The following ST8SIA1 variants were observed in gnomAD, a reference collection of about 807,000 sequenced individuals.
ST8SIA1 encodes the protein ST8 alpha-N-acetyl-neuraminide alpha-2,8-sialyltransferase 1, also known as alpha-N-acetylneuraminide alpha-2,8-sialyltransferase.
A neutral mutation model predicts 35.9 loss-of-function variants in ST8SIA1; 16 were observed. The ratio of observed to expected loss-of-function variants is 0.45; its 90% CI spans 0.30 to 0.68. The LOEUF is 0.68. Ranked by LOEUF, ST8SIA1 falls within the 30% of genes least tolerant of loss-of-function variation. The pLI, the probability that ST8SIA1 is intolerant of heterozygous loss-of-function variation, is 0.09. For missense variants in ST8SIA1, 383 were observed against 453.6 expected, an observed-to-expected ratio of 0.84 and a Z score of 1.41; for synonymous variants, 170 against 169.6, an observed-to-expected ratio of 1.00 and a Z score of -0.02.
intron 4 of ST8SIA1, among the ~76,000 whole-genome samples, chr12:22,228,285 C>T (rs951893430): frequency 9.2e-5 from 14 of 152,212 alleles, no homozygotes; most frequent in Non-Finnish European, 1.5e-4. Context: ...TCCCAGATTT[C>T]TGTGCTATTC....
At chr12:22,324,808 T>C (rs1301782604) in intron 1 of ST8SIA1, 1 of 152,144 alleles carries the variant, frequency 6.6e-6, no homozygotes, top group Non-Finnish European at 1.5e-5. Context: ...CATAAATTTG[T>C]CAGCAGCATA....
intron 1 of ST8SIA1, among the ~76,000 whole-genome samples, chr12:22,302,918 G>T (rs948089963): frequency 6.6e-6 from 1 of 151,816 alleles, no homozygotes; most frequent in Non-Finnish European, 1.5e-5. Flanking sequence ...CTTTCTTGAT[G>T]GAACCAATGT....
intron 4 of ST8SIA1, among the ~76,000 whole-genome samples, chr12:22,245,916 A>G (rs1865595682): frequency 6.6e-6 from 1 of 152,210 alleles, no homozygotes; most frequent in South Asian, 2.1e-4. Flanking sequence ...AAGAAGGTGG[A>G]GGTTTCTGGG....
intron 2 of ST8SIA1, among the ~76,000 whole-genome samples, chr12:22,284,827 T>C (rs112380393): frequency 4.6e-3 from 698 of 152,348 alleles, no homozygotes; most frequent in African/African-American, 0.016. Context: ...CTGCAACCGA[T>C]AGATAATATA....
In ST8SIA1 at chr12:22,275,745, A is replaced by G. The variant is rs1865961834; in HGVS notation, c.381+11404T>C. ...GATTGATCCCCTGTCAACAGGAAAA[A>G]GATGTGGGCTCCTGTAGAGCTGCAT... On this transcript the variant is annotated intron_variant, in intron 2 of 4. Coordinates refer to ENST00000396037, the MANE Select transcript of ST8SIA1 (RefSeq NM_003034.4). Among the ~76,000 whole-genome samples the G allele has an allele frequency of 3.3e-5, 5 of 152,338 alleles. No individual in the cohort carries two copies. In the South Asian group the frequency reaches 1.0e-3, roughly 32 times the overall value.
chr12:22,234,195 G>A (rs1293645185), intron 4 of ST8SIA1, among the ~76,000 whole-genome samples: 1 of 151,646 alleles, frequency 6.6e-6, no homozygotes, highest in Non-Finnish European at 1.5e-5. Context: ...AGGAGGCAGA[G>A]GTTACAGTGA....
chr12:22,267,396 A>G (rs572143764), intron 2 of ST8SIA1, among the ~76,000 whole-genome samples: 1 of 152,368 alleles, frequency 6.6e-6, no homozygotes, highest in South Asian at 2.1e-4. Flanking sequence ...CCATTAAAAG[A>G]TAAATAAGCC....
At chr12:22,264,879 C>A (rs1865829300) in intron 2 of ST8SIA1, among the ~76,000 whole-genome samples, 1 of 152,188 alleles carries the variant, frequency 6.6e-6, no homozygotes, top group South Asian at 2.1e-4. Context: ...GTTATGCTTT[C>A]TACACAGGAT....
intron 4 of ST8SIA1, among the ~76,000 whole-genome samples, chr12:22,211,543 A>G (rs544921428): frequency 6.6e-6 from 1 of 152,330 alleles, no homozygotes; most frequent in Admixed American, 6.5e-5. Context: ...TAGGTTGAAG[A>G]TCAAATATGT....
intron 1 of ST8SIA1, among the ~76,000 whole-genome samples, chr12:22,320,611 G>C (rs972198947): frequency 1.3e-5 from 2 of 152,090 alleles, no homozygotes; most frequent in Middle Eastern, 3.2e-3. Context: ...TTGTGAGGCC[G>C]AGGCGGGAGG....
rs1046766924 is a variant in ST8SIA1, at chr12:22,200,054, T to C, written c.*1498A>G. On this transcript the variant is annotated 3_prime_UTR_variant, in exon 5 of 5. Transcript: ENST00000396037. ...TTGTAACAAGCTAAGTAGTCCTACCTGCTACTAAGGAAATAAATAGCTACT... is the reference window on the plus strand; with the variant it reads ...TTGTAACAAGCTAAGTAGTCCTACCCGCTACTAAGGAAATAAATAGCTACT... The C allele has an allele frequency of 6.6e-6, 1 of 152,248 alleles. No homozygotes were observed. Among genetic ancestry groups the C allele is most frequent in the Non-Finnish European group, 1.5e-5 (1 of 68,044 alleles). The allele number at this position is 152,248 out of a possible 1,614,324, so 9.4% of individuals were successfully genotyped here.
intron 1 of ST8SIA1, among the ~76,000 whole-genome samples, chr12:22,320,698 A>C (rs1866576003): frequency 6.6e-6 from 1 of 151,432 alleles, no homozygotes; most frequent in Non-Finnish European, 1.5e-5. Context: ...AAAAATTAAA[A>C]ATTTGCTGGG....
At chr12:22,255,686 T>TAAA (rs5796957) in intron 2 of ST8SIA1, among the ~76,000 whole-genome samples, 1 of 150,464 alleles carries the variant, frequency 6.6e-6, no homozygotes, top group African/African-American at 2.4e-5. Context: ...TAGGGAAAAT[T>TAAA]AAAAAAAAAA....
rs1350720371 is a variant in ST8SIA1, at chr12:22,320,963, GAA to G, written c.236+13032_236+13033del. On this transcript the variant is annotated intron_variant, in intron 1 of 4. Transcript: ENST00000396037. ...AAAGAAAGAAAGAAAGAAAGAGAAA[GAA>G]AGAAAGAAAGAAAGAAAGAAAGAAA... Among the ~76,000 whole-genome samples the G allele has an allele frequency of 4.6e-3, 363 of 78,610 alleles. 2 individuals are homozygous for G. Among genetic ancestry groups the G allele is most frequent in the Non-Finnish European group, 6.6e-3 (266 of 40,416 alleles). 51.6% of individuals were successfully genotyped at this position (78,610 alleles called of 152,430 possible). A position where few individuals can be genotyped will look rare whatever the true frequency, so the allele number is the denominator to read the frequency against.
intron 2 of ST8SIA1, among the ~76,000 whole-genome samples, chr12:22,257,472 C>A (rs979085934): frequency 4.7e-5 from 7 of 150,124 alleles, no homozygotes; most frequent in Non-Finnish European, 1.0e-4. Flanking sequence ...GATCAGCTTA[C>A]CTCTTCCTCC....
At chr12:22,266,294 A>T (rs1345947303) in intron 2 of ST8SIA1, among the ~76,000 whole-genome samples, 1 of 152,022 alleles carries the variant, frequency 6.6e-6, no homozygotes, top group African/African-American at 2.4e-5. Context: ...ACCGGAATTC[A>T]TTTATGCCCC....
At chr12:22,332,678 G>A (rs1866783085) in intron 1 of ST8SIA1, among the ~76,000 whole-genome samples, 1 of 152,202 alleles carries the variant, frequency 6.6e-6, no homozygotes, top group African/African-American at 2.4e-5. Flanking sequence ...CTTCCAAGGA[G>A]AATGCAGTTG....
At chr12:22,318,399 T>C (rs973725197) in intron 1 of ST8SIA1, among the ~76,000 whole-genome samples, 1 of 152,226 alleles carries the variant, frequency 6.6e-6, no homozygotes, top group African/African-American at 2.4e-5. Context: ...ATGGCTGGCA[T>C]CTTTTCTAGG....
chr12:22,318,509 A>T (rs1866546482), intron 1 of ST8SIA1, among the ~76,000 whole-genome samples: 1 of 152,212 alleles, frequency 6.6e-6, no homozygotes, highest in Non-Finnish European at 1.5e-5. Context: ...CACTGGGATG[A>T]ATCAGAGATG....
Sources: gnomAD v4.1 joint callset for allele counts (sites outside exome capture counted in the v4.1 genomes callset) on GRCh38, gnomAD v4.1.1 for gene constraint, MANE v1.5 for transcripts, NCBI Gene and HGNC (gene_info 2026-07-23, HGNC 2026-07-21) for gene names.